The following NELL2 variants were observed in gnomAD, a reference collection of about 807,000 sequenced individuals.
The protein encoded by NELL2 is protein kinase C-binding protein NELL2.
In NELL2, 41 loss-of-function variants were observed where a neutral mutation model predicts 109.6. The ratio of observed to expected loss-of-function variants is 0.37; its 90% CI spans 0.29 to 0.49. The LOEUF (loss-of-function observed/expected upper bound fraction) is 0.49. Among genes scored for constraint, NELL2 ranks in the 20% least tolerant of loss-of-function variants. The pLI, the probability that NELL2 is intolerant of heterozygous loss-of-function variation, is 0.98. For missense variants in NELL2, 900 were observed against 1,008.3 expected, an observed-to-expected ratio of 0.89 and a Z score of 1.45; for synonymous variants, 355 against 344.7, an observed-to-expected ratio of 1.03 and a Z score of -0.33.
intron 7 of NELL2, 30 bp from the exon 8 acceptor site, chr12:44,776,180 G>T: frequency 6.2e-7 from 1 of 1,607,072 alleles, no homozygotes; most frequent in Admixed American, 1.7e-5. Flanking sequence ...GTTTTACATT[G>T]TTCATCCTTC....
intron 9 of NELL2, among the ~76,000 whole-genome samples, chr12:44,770,455 G>A (rs1021896359): frequency 2.6e-5 from 4 of 152,222 alleles, no homozygotes; most frequent in South Asian, 2.1e-4. Flanking sequence ...CAGAAAATCC[G>A]ACTTGTAACT....
chr12:44,875,747 C>T, intron 1 of NELL2, 68 bp downstream of exon 1: 1 of 1,611,150 alleles, frequency 6.2e-7, no homozygotes, highest in Non-Finnish European at 8.5e-7. Context: ...GAGGCTTCCC[C>T]AGCCAGCCCA....
intron 13 of NELL2, among the ~76,000 whole-genome samples, chr12:44,647,543 TA>T (rs1256620154): frequency 2.6e-5 from 4 of 152,110 alleles, no homozygotes; most frequent in African/African-American, 9.7e-5. Context: ...CAGATTTAAT[TA>T]AGAGCTATAG....
At chr12:44,822,919 T>C (rs1035895305) in intron 2 of NELL2, among the ~76,000 whole-genome samples, 2 of 151,996 alleles carry the variant, frequency 1.3e-5, no homozygotes, top group East Asian at 3.9e-4. Context: ...CCTATATACA[T>C]ACATAGTTAA....
chr12:44,532,162 C>T (rs1650942648), intron 16 of NELL2, among the ~76,000 whole-genome samples: 2 of 152,136 alleles, frequency 1.3e-5, no homozygotes, highest in Admixed American at 6.6e-5. Flanking sequence ...CCCTGAGTAG[C>T]ATGCATTGTG....
At chr12:44,523,705 T>C in intron 16 of NELL2, 1 of 549,130 alleles carries the variant, frequency 1.8e-6, no homozygotes, top group Non-Finnish European at 3.2e-6. Context: ...TCAGGTAACC[T>C]TGGCTAGAAT....
chr12:44,578,683 G>A (rs1417592930), intron 15 of NELL2, among the ~76,000 whole-genome samples: 1 of 151,532 alleles, frequency 6.6e-6, no homozygotes, highest in African/African-American at 2.4e-5. Flanking sequence ...TGTGTGCCAG[G>A]GACTGGGCAA....
At chr12:44,806,872 A>T (rs1012451386) in intron 3 of NELL2, among the ~76,000 whole-genome samples, 6 of 151,858 alleles carry the variant, frequency 4.0e-5, no homozygotes, top group Non-Finnish European at 8.8e-5. Context: ...TATAAAATAT[A>T]AGATTATATT....
At chr12:44,892,797 CAAAAAAAAAAAA>C (rs57230571) in intron 1 of NELL2, among the ~76,000 whole-genome samples, 1 of 57,768 alleles carries the variant, frequency 1.7e-5, no homozygotes, top group Non-Finnish European at 3.5e-5. Flanking sequence ...GACTCTGTCT[CAAAAAAAAAAAA>C]AAAAAAAAAA....
intron 15 of NELL2, among the ~76,000 whole-genome samples, chr12:44,599,710 A>G (rs1246931432): frequency 6.6e-6 from 1 of 152,222 alleles, no homozygotes; most frequent in Non-Finnish European, 1.5e-5. Context: ...TTAACTCTTC[A>G]GATTCAGTCG....
intron 15 of NELL2, among the ~76,000 whole-genome samples, chr12:44,533,328 C>T (rs149004585): frequency 1.3e-5 from 2 of 152,244 alleles, no homozygotes; most frequent in East Asian, 3.9e-4. Flanking sequence ...CAATAGCATT[C>T]ATGCATCAAC....
intron 15 of NELL2, among the ~76,000 whole-genome samples, chr12:44,560,143 TATC>T (rs2136180460): frequency 6.6e-6 from 1 of 152,132 alleles, no homozygotes; most frequent in Admixed American, 6.6e-5. Flanking sequence ...AACAAAGACA[TATC>T]ATACCAGAAT....
chr12:44,568,050 G>C (rs1943725565), intron 15 of NELL2, among the ~76,000 whole-genome samples: 1 of 151,866 alleles, frequency 6.6e-6, no homozygotes, highest in South Asian at 2.1e-4. Context: ...ATTTATAAAA[G>C]TAAAACAGAA....
chr12:44,745,784 A>C (rs966225189), intron 9 of NELL2, among the ~76,000 whole-genome samples: 28 of 152,206 alleles, frequency 1.8e-4, no homozygotes, highest in African/African-American at 6.5e-4. Flanking sequence ...ACCACTGCTC[A>C]ATGAAATAAA....
At chr12:44,631,345 T>C (rs1187534867) in intron 13 of NELL2, among the ~76,000 whole-genome samples, 1 of 151,142 alleles carries the variant, frequency 6.6e-6, no homozygotes, top group Non-Finnish European at 1.5e-5. Context: ...AACCCATGAG[T>C]TAAAAAGGAA....
chr12:44,523,366 G>A lies in NELL2; in HGVS notation c.1923C>T (p.Ile641=). 1.2e-6 allele frequency: 2 copies of A among 1,614,100 alleles called. No individual in the cohort carries two copies. Among genetic ancestry groups the A allele is most frequent in the Non-Finnish European group, 1.7e-6 (2 of 1,179,992 alleles). The stretch of plus-strand genomic sequence containing the variant: ...CATTGTGCTTAACTTTTCCATCATG[G>A]ATGCAGTCCCCTGTGCAATTCTTTC... ...PHGKNCTGDC[I]HDGKVKHNGQ... Residue 641 remains isoleucine, a synonymous_variant, in exon 17 of 20, where the codon ATC becomes ATT. Transcript: ENST00000429094.
rs889518725 is a variant in NELL2, at chr12:44,759,254, T to C, written c.994+15493A>G. Among the ~76,000 whole-genome samples the C allele has an allele frequency of 2.6e-5, 4 of 152,220 alleles. No homozygotes were observed. The South Asian group carries it at 6.2e-4, about 24-fold the overall frequency. ...AAAAGGCTACAAGTTTTTCTATCCC[T>C]GTTTCTTTGTCCCTTTCAATGTGAC... On this transcript the variant is annotated intron_variant, in intron 9 of 19. Transcript: ENST00000429094.
intron 13 of NELL2, among the ~76,000 whole-genome samples, chr12:44,656,897 G>A (rs1047557813): frequency 2.6e-5 from 4 of 152,148 alleles, no homozygotes; most frequent in African/African-American, 9.7e-5. Context: ...AATTTTTGCT[G>A]CAATACAAAT....
At chr12:44,665,118 C>T (rs1034583444) in intron 13 of NELL2, among the ~76,000 whole-genome samples, 3 of 152,070 alleles carry the variant, frequency 2.0e-5, no homozygotes, top group Non-Finnish European at 2.9e-5. Context: ...TGAAAAAAAT[C>T]ACATTATTTA....
Sources: allele counts gnomAD v4.1 joint callset (sites outside exome capture counted in the v4.1 genomes callset), GRCh38; gene constraint gnomAD v4.1.1; transcripts MANE v1.5; gene names NCBI Gene and HGNC (gene_info 2026-07-23, HGNC 2026-07-21).